Variants in LRRC56 observed in about 807,000 individuals in gnomAD.
LRRC56 encodes leucine-rich repeat-containing protein 56.
Under a neutral mutation model 47.8 loss-of-function variants are expected in LRRC56, and 41 were observed. The observed-to-expected ratio is 0.86, with a 90% CI of 0.67 to 1.11. LRRC56 has a LOEUF of 1.11. Among genes scored for constraint, LRRC56 ranks in the 50% most tolerant of loss-of-function variants. The probability of loss-of-function intolerance (pLI) is 0.00; values close to 1 mark genes in which losing one functional copy is unlikely to be tolerated. For missense variants in LRRC56, 759 were observed against 704.2 expected, an observed-to-expected ratio of 1.08 and a Z score of -0.88; for synonymous variants, 387 against 311.2, an observed-to-expected ratio of 1.24 and a Z score of -2.56.
At chr11:532,426 G>T in the LRRC56 span, 1 of 699,990 alleles carries the variant, frequency 1.4e-6, no homozygotes, top group Non-Finnish European at 2.4e-6. Flanking sequence ...CTGGGCTCCA[G>T]CAGCCCTTCC....
At chr11:532,528 C>T (rs1851163718), upstream of LRRC56, 10 of 1,452,474 alleles carry the variant, frequency 6.9e-6, no homozygotes, top group East Asian at 9.8e-5. Context: ...TTGTGCTGGG[C>T]GGGGCACAAG....
chr11:524,640 A>T, the LRRC56 span, among the ~76,000 whole-genome samples: 919 of 152,200 alleles, frequency 6.0e-3, 6 homozygotes, highest in African/African-American at 0.021. Flanking sequence ...TCAAAAAAAT[A>T]AATTAATTAA....
upstream of LRRC56, chr11:535,177 G>A (rs2134000278): frequency 6.6e-6 from 1 of 152,108 alleles, no homozygotes; most frequent in South Asian, 1.8e-4. Context: ...CCAGCGCGAG[G>A]CCACGGGTGG....
At position 554,422 on chromosome 11, in the gene LRRC56, G is replaced by C. The variant is rs1589823763; in HGVS notation, c.*146G>C. ...GAGGACCCTCTTGGTGGAGGGGAGTGGGGGACTGGGACCAGCCAGGGAGGC... is the reference window on the plus strand; with the variant it reads ...GAGGACCCTCTTGGTGGAGGGGAGTCGGGGACTGGGACCAGCCAGGGAGGC... On this transcript the variant is annotated 3_prime_UTR_variant, in exon 14 of 14. Coordinates refer to ENST00000270115, the MANE Select transcript of LRRC56 (RefSeq NM_198075.4). The C allele has an allele frequency of 1.0e-5, 7 of 673,178 alleles. No homozygotes were observed. The highest frequency in any genetic ancestry group is 1.3e-5 in the Non-Finnish European group (6 of 454,584). The allele number at this position is 673,178 out of a possible 1,614,324, so 41.7% of individuals were successfully genotyped here. A position where few individuals can be genotyped will look rare whatever the true frequency, so the allele number is the denominator to read the frequency against.
the LRRC56 span, among the ~76,000 whole-genome samples, chr11:507,455 C>T: frequency 7.3e-6 from 1 of 137,448 alleles, no homozygotes; most frequent in Non-Finnish European, 1.5e-5. Flanking sequence ...CCCCAGTAGG[C>T]GGGGCTTGGT....
chr11:549,980 C>T lies in LRRC56; in HGVS notation c.405C>T (p.Ala135=), dbSNP rs759160878. 1.2e-6 allele frequency: 2 copies of T among 1,612,856 alleles called. No individual in the cohort carries two copies. The highest frequency in any genetic ancestry group is 1.7e-6 in the Non-Finnish European group (2 of 1,179,842). ...RCGLADLDGI[A]SLPALKELYA... is the part of the protein sequence containing the mutation. ...GCCTCGCTGACCTGGATGGCATCGC[C>T]TCTTTGCCAGCACTTAAGGTGAGTC... The change falls in exon 7 of 14, where the codon GCC becomes GCT. Residue 135 remains alanine, a synonymous_variant. Coordinates refer to ENST00000270115, the MANE Select transcript of LRRC56 (RefSeq NM_198075.4).
chr11:551,222 C>T lies in LRRC56; in HGVS notation c.716C>T (p.Pro239Leu), dbSNP rs1178915082. The T allele has an allele frequency of 6.5e-7, 1 of 1,547,542 alleles. No homozygotes were observed. Among genetic ancestry groups the T allele is most frequent in the East Asian group, 2.5e-5 (1 of 40,744 alleles). ...GAAGTGCCGGCCGCACACACAGGCC[C>T]ACCGGCCCCCCCGCGGCTGAGCCAG... is the stretch of plus-strand genomic sequence containing the variant. Reference protein sequence around the residue: ...LDEVPAAHTGPPAPPRLSQDW... With the variant: ...LDEVPAAHTGLPAPPRLSQDW... The change falls in exon 9 of 14, where the codon CCA (proline) becomes CTA (leucine). Residue 239 changes from proline (P) to leucine (L), a missense_variant. Physicochemically the swap from Pro to Leu is moderately conservative, Grantham distance 98 (BLOSUM62 -3). Coordinates refer to ENST00000270115, the MANE Select transcript of LRRC56 (RefSeq NM_198075.4).
At chr11:525,972 A>G in the LRRC56 span, among the ~76,000 whole-genome samples, 2 of 152,042 alleles carry the variant, frequency 1.3e-5, no homozygotes, top group Admixed American at 6.6e-5. Context: ...TTGGGAGGCC[A>G]AGGCAGGCAG....
upstream of LRRC56, among the ~76,000 whole-genome samples, chr11:534,904 T>C (rs990459401): frequency 3.3e-5 from 5 of 152,284 alleles, no homozygotes; most frequent in African/African-American, 1.2e-4. Flanking sequence ...ACCGGGGGCA[T>C]CTTTCAGCCA....
upstream of LRRC56, chr11:534,101 A>G: frequency 1.7e-6 from 2 of 1,164,684 alleles, no homozygotes; most frequent in South Asian, 1.2e-5. Flanking sequence ...AGCAGGAGAC[A>G]GGGCCACAGC....
the LRRC56 span, among the ~76,000 whole-genome samples, chr11:531,706 C>T: frequency 6.6e-5 from 10 of 152,206 alleles, no homozygotes; most frequent in Non-Finnish European, 1.5e-4. Context: ...GGCCGCTACC[C>T]GACCACCAAT....
At chr11:547,909 T>C (rs139734417) in intron 6 of LRRC56, among the ~76,000 whole-genome samples, 2,434 of 151,998 alleles carry the variant, frequency 0.016, 65 homozygotes, top group African/African-American at 0.055. Context: ...GAGTGGAACA[T>C]GAGGTCAGCA....
At chr11:507,013 A>C in the LRRC56 span, 117 of 152,312 alleles carry the variant, frequency 7.7e-4, no homozygotes, top group African/African-American at 2.7e-3. Flanking sequence ...CCGCGCAGCA[A>C]CGGCCTCAAT....
the LRRC56 span, among the ~76,000 whole-genome samples, chr11:516,847 T>TTCTCCC: frequency 8.5e-5 from 13 of 152,184 alleles, no homozygotes; most frequent in African/African-American, 9.7e-5. Context: ...AATTATTTTT[T>TTCTCCC]TCTCCCTCTC....
chr11:545,007 G>T (rs554574482), intron 6 of LRRC56, among the ~76,000 whole-genome samples: 1 of 152,058 alleles, frequency 6.6e-6, no homozygotes, highest in African/African-American at 2.4e-5. Context: ...AGGTGTGAGG[G>T]GGTCTCTGAG....
In LRRC56 at chr11:549,918, C is replaced by T; in HGVS notation, c.343C>T (p.Leu115=). The T allele has an allele frequency of 6.2e-7, 1 of 1,613,140 alleles. No individual in the cohort carries two copies. Among genetic ancestry groups the T allele is most frequent in the Non-Finnish European group, 8.5e-7 (1 of 1,180,016 alleles). ...LGSLRDLGTS[L]GHLQVLWLAR... The stretch of plus-strand genomic sequence containing the variant: ...CTTCTGCAGGGACTTGGGCACGTCT[C>T]TGGGCCACCTGCAGGTGCTGTGGCT... The change falls in exon 7 of 14, where the codon CTG becomes TTG. Residue 115 remains leucine, a synonymous_variant. Coordinates refer to ENST00000270115, the MANE Select transcript of LRRC56 (RefSeq NM_198075.4).
At chr11:523,632 A>C in the LRRC56 span, among the ~76,000 whole-genome samples, 4 of 136,436 alleles carry the variant, frequency 2.9e-5, no homozygotes, top group Non-Finnish European at 4.7e-5. Flanking sequence ...ATCTAAAAAA[A>C]AAAAAGCCGG....
chr11:546,478 A>G (rs190898371), intron 6 of LRRC56, among the ~76,000 whole-genome samples: 1,970 of 152,022 alleles, frequency 0.013, 23 homozygotes, highest in Middle Eastern at 0.024. Context: ...TGAGGCAGGA[A>G]AATGGCGTGA....
chr11:543,191 C>T (rs779216655), intron 5 of LRRC56, among the ~76,000 whole-genome samples: 3 of 139,084 alleles, frequency 2.2e-5, no homozygotes, highest in African/African-American at 8.6e-5. Flanking sequence ...TGAGCCACCG[C>T]GCCTGGCCTG....
Sources: allele counts gnomAD v4.1 joint callset (sites outside exome capture counted in the v4.1 genomes callset), GRCh38; gene constraint gnomAD v4.1.1; transcripts MANE v1.5; gene names NCBI Gene and HGNC (gene_info 2026-07-23, HGNC 2026-07-21).